The following EPCAM variants were observed in gnomAD, a reference collection of about 807,000 sequenced individuals.
The protein encoded by EPCAM is epithelial cell adhesion molecule.
EPCAM carries 39 observed loss-of-function variants against 40.0 expected under a neutral mutation model. That is an observed-to-expected ratio of 0.98 (90% CI 0.76 to 1.27). The LOEUF is 1.27. EPCAM is among the 50% of genes most tolerant of loss of function. The pLI, the probability that EPCAM is intolerant of heterozygous loss-of-function variation, is 0.00. For missense variants in EPCAM, 503 were observed against 381.2 expected (o/e 1.32, Z -2.66); for synonymous variants, 168 against 132.3 (o/e 1.27, Z -1.85).
At chr2:47,374,334 A>T (rs965168697) in intron 3 of EPCAM, among the ~76,000 whole-genome samples, 1 of 152,122 alleles carries the variant, frequency 6.6e-6, no homozygotes, top group African/African-American at 2.4e-5. Flanking sequence ...TTTTTCTTTT[A>T]TATCTTTACT....
chr2:47,382,517 T>C (rs969419120), intron 7 of EPCAM, among the ~76,000 whole-genome samples: 2 of 151,976 alleles, frequency 1.3e-5, no homozygotes, highest in Non-Finnish European at 2.9e-5. Context: ...AGAAACCCCG[T>C]CTCTACTAAA....
In EPCAM at chr2:47,379,057, G is replaced by C. The variant is rs2103757340; in HGVS notation, c.657+3G>C. The C allele has an allele frequency of 7.0e-7, 1 of 1,432,954 alleles. No individual in the cohort carries two copies. 88.8% of individuals were successfully genotyped at this position (1,432,954 alleles called of 1,614,324 possible). On this transcript the variant is annotated splice_donor_region_variant and intron_variant, in intron 6 of 8. Coordinates refer to ENST00000263735, the MANE Select transcript of EPCAM (RefSeq NM_002354.3). ...TGGCTTATTATTTTGAAAAAGATGTGAGTATCATCTTCTTTATTCCTGTGT... is the reference window on the plus strand; with the variant it reads ...TGGCTTATTATTTTGAAAAAGATGTCAGTATCATCTTCTTTATTCCTGTGT...
intron 4 of EPCAM, 132 bp downstream of exon 4, chr2:47,375,431 C>T (rs73927785): frequency 1.5e-6 from 1 of 684,660 alleles, no homozygotes; most frequent in Non-Finnish European, 2.7e-6. Context: ...AATAGAGTTG[C>T]AAGAATAGCA....
At chr2:47,373,346 CT>C in intron 1 of EPCAM, 116 bp from the exon 2 acceptor site, 2 of 718,310 alleles carry the variant, frequency 2.8e-6, no homozygotes, top group Non-Finnish European at 4.7e-6. Context: ...TTCAGAACCA[CT>C]TTTTAAGGTT....
At chr2:47,381,552 G>A (rs1201106685) in intron 7 of EPCAM, among the ~76,000 whole-genome samples, 3 of 152,122 alleles carry the variant, frequency 2.0e-5, no homozygotes, top group Non-Finnish European at 4.4e-5. Context: ...CACCAGGCTG[G>A]CCATATTGCC....
intron 8 of EPCAM, among the ~76,000 whole-genome samples, chr2:47,385,623 C>G (rs1665640532): frequency 6.6e-6 from 1 of 152,096 alleles, no homozygotes. Context: ...CTAGTCTATA[C>G]TAGTGTGACA....
chr2:47,380,108 G>A, intron 7 of EPCAM, 139 bp downstream of exon 7: 1 of 1,419,358 alleles, frequency 7.0e-7, no homozygotes, highest in Non-Finnish European at 9.6e-7. Context: ...TTGAGCCCAG[G>A]AGTTTGAGAC....
In EPCAM at chr2:47,380,627, A is replaced by G. The variant is rs183293764; in HGVS notation, c.858+658A>G. 5.4e-4 allele frequency among the ~76,000 whole-genome samples: 83 copies of G among 152,350 alleles called. No individual in the cohort carries two copies. The East Asian group carries it at 0.012, about 22-fold the overall frequency. On this transcript the variant is annotated intron_variant, in intron 7 of 8. Transcript: ENST00000263735. ...ACTCAATAAGATGGAACAACAGAAC[A>G]CAAAGTTAACGTTAGCCATACAAAA...
At chr2:47,375,000 A>C (rs1671385542) in intron 3 of EPCAM, among the ~76,000 whole-genome samples, 1 of 152,152 alleles carries the variant, frequency 6.6e-6, no homozygotes, top group African/African-American at 2.4e-5. Context: ...ACTTTGACTT[A>C]ATGTGACTTT....
chr2:47,378,002 G>A (rs1471056494), intron 5 of EPCAM, among the ~76,000 whole-genome samples: 2 of 152,060 alleles, frequency 1.3e-5, no homozygotes, highest in African/African-American at 2.4e-5. Context: ...GGAGGCCGAG[G>A]CAGGTGGATC....
rs76163322 is a variant in EPCAM at position 47,386,085 on chromosome 2, A to G, written c.904-487A>G. ...TATGGACCTGTTGCAAGGATTAAAC[A>G]TAATCAGTGTAAAGTGTTGGTCCCA... On this transcript the variant is annotated intron_variant, in intron 8 of 8. Coordinates refer to ENST00000263735, the MANE Select transcript of EPCAM (RefSeq NM_002354.3). Among the ~76,000 whole-genome samples, 437 of 152,320 alleles carry G rather than the reference A, an allele frequency of 2.9e-3. 2 individuals are homozygous for G. Among genetic ancestry groups the G allele is most frequent in the African/African-American group, 9.3e-3 (385 of 41,572 alleles).
chr2:47,378,476 A>G (rs536636315), intron 5 of EPCAM, among the ~76,000 whole-genome samples: 1 of 151,490 alleles, frequency 6.6e-6, no homozygotes. Context: ...CTAATTTTGT[A>G]TTTTTAGTAG....
chr2:47,384,294 A>G (rs1461362137), intron 7 of EPCAM, among the ~76,000 whole-genome samples: 2 of 150,418 alleles, frequency 1.3e-5, no homozygotes, highest in Admixed American at 6.6e-5. Flanking sequence ...AGTAGAGATG[A>G]GGTTTCACAA....
chr2:47,385,951 T>G (rs1008581441), intron 8 of EPCAM, among the ~76,000 whole-genome samples: 1 of 152,134 alleles, frequency 6.6e-6, no homozygotes, highest in Non-Finnish European at 1.5e-5. Flanking sequence ...AGAATGACAA[T>G]GTAGTGTTGC....
intron 3 of EPCAM, among the ~76,000 whole-genome samples, chr2:47,374,707 A>G (rs950081768): frequency 6.6e-6 from 1 of 151,652 alleles, no homozygotes; most frequent in Non-Finnish European, 1.5e-5. Context: ...GCAGTGGCAC[A>G]ATCTCAGCTC....
intron 4 of EPCAM, 32 bp from the exon 5 acceptor site, chr2:47,376,982 T>G (rs1482876629): frequency 2.7e-6 from 4 of 1,485,172 alleles, no homozygotes; most frequent in Non-Finnish European, 3.8e-6. Context: ...TACAAACATT[T>G]TTTTTTAATA....
rs72882780 is a variant in EPCAM at position 47,382,774 on chromosome 2, C to G, written c.859-2392C>G. The stretch of plus-strand genomic sequence containing the variant: ...AGAGAGTAAATTATGTTTATTGTAT[C>G]TACGATAGGGAATAATGTGAATGGT... On this transcript the variant is annotated intron_variant, in intron 7 of 8. Transcript: ENST00000263735. Among the ~76,000 whole-genome samples the G allele has an allele frequency of 2.8e-3, 419 of 152,234 alleles. 2 individuals carry two copies. The highest frequency in any genetic ancestry group is 8.4e-3 in the African/African-American group (350 of 41,540).
chr2:47,370,007 C>T (rs1671207881), intron 1 of EPCAM, among the ~76,000 whole-genome samples: 1 of 152,224 alleles, frequency 6.6e-6, no homozygotes, highest in African/African-American at 2.4e-5. Flanking sequence ...TCGCCCTTGT[C>T]CTTGCAGCGG....
At chr2:47,385,331 A>G (rs1671715815) in intron 8 of EPCAM, 121 bp downstream of exon 8, 1 of 809,306 alleles carries the variant, frequency 1.2e-6, no homozygotes, top group Non-Finnish European at 2.2e-6. Context: ...TGTTGTCTTT[A>G]GGGTCTTAGG....
Sources: gnomAD v4.1 joint callset for allele counts (sites outside exome capture counted in the v4.1 genomes callset) on GRCh38, gnomAD v4.1.1 for gene constraint, MANE v1.5 for transcripts, NCBI Gene and HGNC (gene_info 2026-07-23, HGNC 2026-07-21) for gene names.